Variants in RANBP2 observed in about 807,000 individuals in gnomAD.
The protein encoded by RANBP2 is RAN binding protein 2, also known as E3 SUMO-protein ligase RanBP2.
In RANBP2, 57 loss-of-function variants were observed where a neutral mutation model predicts 303.6. The observed-to-expected ratio is 0.19, with a 90% confidence interval of 0.15 to 0.23. The LOEUF is 0.23. Among genes scored for constraint, RANBP2 ranks in the 10% least tolerant of loss-of-function variants. The pLI, the probability that RANBP2 is intolerant of heterozygous loss-of-function variation, is 1.00. For synonymous variants in RANBP2, 1,167 were observed against 1,301.5 expected (o/e 0.90, Z 2.23); for missense variants, 3,138 against 3,780.8 (o/e 0.83, Z 4.46).
the RANBP2 span, among the ~76,000 whole-genome samples, chr2:109,559,911 CTTTTTT>C: frequency 6.0e-5 from 7 of 117,558 alleles, no homozygotes; most frequent in East Asian, 1.3e-3. Context: ...CAACCAATGC[CTTTTTT>C]TTTTTTTTTT....
At chr2:109,674,485 G>A in the RANBP2 span, among the ~76,000 whole-genome samples, 1 of 151,632 alleles carries the variant, frequency 6.6e-6, no homozygotes, top group East Asian at 1.9e-4. Context: ...TTGGGAGGCT[G>A]AGGCGGGATT....
At chr2:108,878,750 T>A in the RANBP2 span, among the ~76,000 whole-genome samples, 1 of 152,168 alleles carries the variant, frequency 6.6e-6, no homozygotes, top group Non-Finnish European at 1.5e-5. Context: ...AACTAAGAAT[T>A]GATGGGGCCT....
chr2:108,726,240 A>G (rs557548233), intron 1 of RANBP2, among the ~76,000 whole-genome samples: 1 of 152,314 alleles, frequency 6.6e-6, no homozygotes, highest in African/African-American at 2.4e-5. Context: ...TTCATGCTGT[A>G]TGTGCTCGCC....
the RANBP2 span, chr2:109,449,397 A>G: frequency 6.2e-7 from 1 of 1,613,020 alleles, no homozygotes. Context: ...CGCAAACCTC[A>G]ACGGGGAGGC....
the RANBP2 span, among the ~76,000 whole-genome samples, chr2:109,596,994 A>T: frequency 7.2e-5 from 11 of 152,188 alleles, no homozygotes; most frequent in Admixed American, 5.9e-4. Context: ...CCCAAGCTGG[A>T]GTGCAGTGGC....
the RANBP2 span, chr2:108,839,417 T>C: frequency 1.2e-6 from 1 of 822,976 alleles, no homozygotes; most frequent in Non-Finnish European, 1.8e-6. Context: ...TAATCTTCCC[T>C]ATCTATGTCT....
At chr2:109,526,257 C>T in the RANBP2 span, among the ~76,000 whole-genome samples, 1 of 152,174 alleles carries the variant, frequency 6.6e-6, no homozygotes, top group Non-Finnish European at 1.5e-5. Context: ...CCTGCTGTTG[C>T]CTGTGGCCCT....
chr2:109,575,623 T>C, the RANBP2 span, among the ~76,000 whole-genome samples: 1 of 152,232 alleles, frequency 6.6e-6, no homozygotes, highest in Non-Finnish European at 1.5e-5. Context: ...AGTTCTGATA[T>C]GATAAACCAC....
chr2:108,853,150 C>A, the RANBP2 span, among the ~76,000 whole-genome samples: 67 of 152,260 alleles, frequency 4.4e-4, no homozygotes, highest in African/African-American at 1.5e-3. Flanking sequence ...GACCCACAAT[C>A]GGAATAGTGA....
chr2:109,165,612 CTCTGCCTT>C, the RANBP2 span, among the ~76,000 whole-genome samples: 1 of 152,202 alleles, frequency 6.6e-6, no homozygotes, highest in Admixed American at 6.5e-5. Flanking sequence ...ACATTGCCAA[CTCTGCCTT>C]AGAGCACTGT....
intron 1 of RANBP2, among the ~76,000 whole-genome samples, chr2:108,724,461 AT>A (rs1003525831): frequency 3.4e-4 from 52 of 151,478 alleles, no homozygotes; most frequent in African/African-American, 1.1e-3. Context: ...GTTTGAAATA[AT>A]TTTTTTTTCG....
the RANBP2 span, among the ~76,000 whole-genome samples, chr2:108,824,011 A>G: frequency 6.6e-6 from 1 of 152,098 alleles, no homozygotes; most frequent in South Asian, 2.1e-4. Context: ...GGTACACCTG[A>G]ATAGAGCACT....
the RANBP2 span, among the ~76,000 whole-genome samples, chr2:108,848,015 A>G: frequency 2.6e-5 from 4 of 152,174 alleles, no homozygotes; most frequent in African/African-American, 2.4e-5. Flanking sequence ...ACGCTTACAT[A>G]CCCACAGGTA....
the RANBP2 span, among the ~76,000 whole-genome samples, chr2:109,460,588 C>G: frequency 1.3e-5 from 2 of 152,242 alleles, no homozygotes; most frequent in African/African-American, 4.8e-5. Context: ...AGAATCCCAT[C>G]TGTGGAATTA....
Position 108,719,626 on chromosome 2 carries a change from A to C in RANBP2, c.20A>C (p.Asp7Ala), listed in dbSNP as rs201886746. ...GGCGCGATGAGGCGCAGCAAGGCTG[A>C]CGTGGAGCGGTACATCGCCTCGGTG... is the stretch of plus-strand genomic sequence containing the variant. MRRSKA[D>A]VERYIASVQG... Residue 7 changes from aspartate (D) to alanine (A), a missense_variant, in exon 1 of 29, where the codon GAC becomes GCC. This residue lies in a region of RANBP2 where 306 missense variants were observed against 381.9 expected (regional missense o/e 0.80). Coordinates refer to ENST00000283195, the MANE Select transcript of RANBP2 (RefSeq NM_006267.5). The C allele has an allele frequency of 5.5e-5, 89 of 1,607,780 alleles. No individual in the cohort carries two copies. Among genetic ancestry groups the C allele is most frequent in the Non-Finnish European group, 7.5e-5 (88 of 1,178,334 alleles).
At chr2:109,577,451 G>A in the RANBP2 span, among the ~76,000 whole-genome samples, 1 of 151,596 alleles carries the variant, frequency 6.6e-6, no homozygotes, top group Non-Finnish European at 1.5e-5. Context: ...AAATTAGCTG[G>A]GCATGATGGC....
At chr2:109,639,272 T>C in the RANBP2 span, among the ~76,000 whole-genome samples, 2 of 152,214 alleles carry the variant, frequency 1.3e-5, no homozygotes, top group Non-Finnish European at 2.9e-5. Flanking sequence ...AGAATTCCTC[T>C]AAAGTCTTCT....
the RANBP2 span, among the ~76,000 whole-genome samples, chr2:109,717,862 C>G: frequency 0.014 from 2,018 of 148,404 alleles, 17 homozygotes; most frequent in Non-Finnish European, 0.019. Flanking sequence ...TGCAGTGAGC[C>G]GAGATCACAC....
At chr2:109,476,041 C>G in the RANBP2 span, among the ~76,000 whole-genome samples, 1 of 152,164 alleles carries the variant, frequency 6.6e-6, no homozygotes, top group African/African-American at 2.4e-5. Flanking sequence ...ATCGGCTGTG[C>G]CCAGAGTTAG....
Sources: gnomAD v4.1 joint callset for allele counts (sites outside exome capture counted in the v4.1 genomes callset) on GRCh38, gnomAD v4.1.1 for gene constraint, gnomAD v4.1.1 regional missense constraint, MANE v1.5 for transcripts, NCBI Gene and HGNC (gene_info 2026-07-23, HGNC 2026-07-21) for gene names.